Variants in PPP5C observed in about 807,000 individuals in gnomAD.
PPP5C encodes the protein serine/threonine-protein phosphatase 5.
A neutral mutation model predicts 66.7 loss-of-function variants in PPP5C; 21 were observed. The ratio of observed to expected loss-of-function variants is 0.31; its 90% CI spans 0.22 to 0.45. The LOEUF (loss-of-function observed/expected upper bound fraction) is 0.45. Among genes scored for constraint, PPP5C ranks in the 20% least tolerant of loss-of-function variants. The pLI, the probability that PPP5C is intolerant of heterozygous loss-of-function variation, is 1.00. For synonymous variants in PPP5C, 246 were observed against 257.4 expected, an observed-to-expected ratio of 0.96 and a Z score of 0.43; for missense variants, 464 against 675.9, an observed-to-expected ratio of 0.69 and a Z score of 3.48.
Position 46,388,916 on chromosome 19 carries a change from A to G in PPP5C, c.1355+185A>G, listed in dbSNP as rs1347752964. ...CAGTGGGGCCAGCCTGTGAGTGCTG[A>G]CCAGCTGCCCTGTGTTACAGCAAGC... On this transcript the variant is annotated intron_variant, in intron 11 of 12. Transcript: ENST00000012443. This position sits in a 1 kb window ranked among gnomAD's most constrained non-coding sequence, Gnocchi z 4.9. Among the ~76,000 whole-genome samples the G allele has an allele frequency of 1.3e-5, 2 of 152,162 alleles. No individual in the cohort carries two copies. The highest frequency in any genetic ancestry group is 1.3e-4 in the Admixed American group (2 of 15,272).
In PPP5C at chr19:46,388,478, G is replaced by A. The variant is rs370726628; in HGVS notation, c.1176+30G>A. The A allele has an allele frequency of 2.8e-4, 443 of 1,610,396 alleles. No homozygotes were observed. The highest frequency in any genetic ancestry group is 1.4e-3 in the African/African-American group (107 of 74,988). On this transcript the variant is annotated intron_variant, in intron 10 of 12. Transcript: ENST00000012443. The surrounding 1 kb of genome is among the most constrained non-coding windows in gnomAD (Gnocchi z 4.9). Reference sequence around the variant, plus strand: ...GTCTAGGGTGGGGTGCAGGGCCGGCGGGTGTGGGCTGTGGCAGCAGGTGGA... The same window carrying A: ...GTCTAGGGTGGGGTGCAGGGCCGGCAGGTGTGGGCTGTGGCAGCAGGTGGA...
intron 1 of PPP5C, among the ~76,000 whole-genome samples, chr19:46,351,867 C>T (rs899484936): frequency 1.2e-4 from 18 of 152,194 alleles, no homozygotes; most frequent in Admixed American, 1.0e-3. Flanking sequence ...GCAGCCCAGT[C>T]GGGGGCCTGA....
intron 2 of PPP5C, among the ~76,000 whole-genome samples, chr19:46,356,224 A>C (rs908257504): frequency 1.3e-5 from 2 of 152,196 alleles, no homozygotes; most frequent in Non-Finnish European, 2.9e-5. Context: ...CCATTTCCCC[A>C]TGGGGGCTCT....
At position 46,390,273 on chromosome 19, in the gene PPP5C, T is replaced by C; in HGVS notation, c.1438-11T>C. The stretch of plus-strand genomic sequence containing the variant: ...TGACTTCTGTCCATCCCACCTGCCC[T>C]GGTCCCACAGCCTCATCCCAACGTC... On this transcript the variant is annotated splice_polypyrimidine_tract_variant and intron_variant, in intron 12 of 12. Coordinates refer to ENST00000012443, the MANE Select transcript of PPP5C (RefSeq NM_006247.4). 2 of 1,593,170 alleles carry C rather than the reference T, an allele frequency of 1.3e-6. No homozygotes were observed. The highest frequency in any genetic ancestry group is 1.7e-6 in the Non-Finnish European group (2 of 1,169,756).
At chr19:46,389,030 C>G (rs887321033) in intron 11 of PPP5C, among the ~76,000 whole-genome samples, 2 of 151,828 alleles carry the variant, frequency 1.3e-5, no homozygotes, top group Admixed American at 1.3e-4. Context: ...CGTGTTTACA[C>G]TTTTGAGTGC....
chr19:46,386,925 TCAAGA>T, intron 7 of PPP5C, 163 bp from the exon 8 acceptor site: 7 of 928,910 alleles, frequency 7.5e-6, no homozygotes, highest in Admixed American at 5.0e-5. Context: ...CTACTTTTTG[TCAAGA>T]TTCCCCCCTT....
Position 46,372,730 on chromosome 19 carries a change from T to C in PPP5C, c.364-2874T>C, listed in dbSNP as rs144095603. Among the ~76,000 whole-genome samples, 368 of 152,326 alleles carry C rather than the reference T, an allele frequency of 2.4e-3. 9 individuals carry two copies. The highest frequency in any genetic ancestry group is 1.2e-3 in the East Asian group (6 of 5,190). ...GCAGTTGTAAGAAGTAATGCAGAAATCCCAGTTTTCCCTAAAGGTATATCT... is the reference window on the plus strand; with the variant it reads ...GCAGTTGTAAGAAGTAATGCAGAAACCCCAGTTTTCCCTAAAGGTATATCT... On this transcript the variant is annotated intron_variant, in intron 2 of 12. Coordinates refer to ENST00000012443, the MANE Select transcript of PPP5C (RefSeq NM_006247.4).
chr19:46,383,669 T>G lies in PPP5C; in HGVS notation c.700-111T>G, dbSNP rs1438036385. 9.4e-7 allele frequency: 1 copy of G among 1,059,724 alleles called. No homozygotes were observed. The highest frequency in any genetic ancestry group is 1.4e-6 in the Non-Finnish European group (1 of 708,766). The allele number at this position is 1,059,724 out of a possible 1,614,324, so 65.6% of individuals were successfully genotyped here. A position where few individuals can be genotyped will look rare whatever the true frequency, so the allele number is the denominator to read the frequency against. On this transcript the variant is annotated intron_variant, in intron 5 of 12. Coordinates refer to ENST00000012443, the MANE Select transcript of PPP5C (RefSeq NM_006247.4). This position sits in a 1 kb window ranked among gnomAD's most constrained non-coding sequence, Gnocchi z 5.0. ...CGTTTGTGTTCCCTGCTTGTGTCTC[T>G]TGCATGATTCTTCTTGGTCTACTGT... is the stretch of plus-strand genomic sequence containing the variant.
chr19:46,370,355 G>A (rs2147382553), intron 2 of PPP5C, among the ~76,000 whole-genome samples: 1 of 152,246 alleles, frequency 6.6e-6, no homozygotes, highest in South Asian at 2.1e-4. Context: ...CACAAACGCA[G>A]ACATTAGCCT....
rs1158423038 is a variant in PPP5C at position 46,363,307 on chromosome 19, CAAAAAAAAAAAAAAAAAAAAA to C, written c.363+9338_363+9358del. ...TGGGCGACAGAGCGAGACTCCATCT[CAAAAAAAAAAAAAAAAAAAAA>C]AAAAAAAAAAAAAAAAAAACAATTT... is the stretch of plus-strand genomic sequence containing the variant. On this transcript the variant is annotated intron_variant, in intron 2 of 12. Transcript: ENST00000012443. Among the ~76,000 whole-genome samples the C allele has an allele frequency of 5.0e-4, 14 of 27,948 alleles. 1 individual carries two copies. Among genetic ancestry groups the C allele is most frequent in the Admixed American group, 1.2e-3 (2 of 1,714 alleles). 18.3% of individuals were successfully genotyped at this position (27,948 alleles called of 152,430 possible). A position where few individuals can be genotyped will look rare whatever the true frequency, so the allele number is the denominator to read the frequency against.
chr19:46,380,232 A>G (rs932573330), intron 4 of PPP5C, among the ~76,000 whole-genome samples: 6 of 152,172 alleles, frequency 3.9e-5, no homozygotes, highest in African/African-American at 1.4e-4. Flanking sequence ...AGGCAGAAGA[A>G]TCACTTGAAC....
intron 2 of PPP5C, 114 bp from the exon 3 acceptor site, chr19:46,375,490 G>A (rs2147389065): frequency 1.4e-6 from 2 of 1,454,002 alleles, no homozygotes; most frequent in East Asian, 2.4e-5. Context: ...ATCAGCACCT[G>A]GCGCCCAGGC....
At chr19:46,387,295 G>A in intron 8 of PPP5C, 60 bp downstream of exon 8, 1 of 1,612,612 alleles carries the variant, frequency 6.2e-7, no homozygotes, top group South Asian at 1.1e-5. Flanking sequence ...GGGCAGATGT[G>A]CTGGTGAAGG....
At chr19:46,356,180 T>C (rs1294348737) in intron 2 of PPP5C, among the ~76,000 whole-genome samples, 1 of 151,732 alleles carries the variant, frequency 6.6e-6, no homozygotes, top group East Asian at 1.9e-4. Context: ...TTCAGAGTCT[T>C]TTACAGAATA....
intron 7 of PPP5C, 109 bp downstream of exon 7, chr19:46,385,018 A>G: frequency 1.1e-6 from 1 of 871,940 alleles, no homozygotes; most frequent in Non-Finnish European, 1.9e-6. Context: ...CTCGGAGATC[A>G]TGCACAGGGC....
intron 2 of PPP5C, among the ~76,000 whole-genome samples, 182 bp downstream of exon 2, chr19:46,354,171 A>G (rs551411262): frequency 1.3e-5 from 2 of 152,302 alleles, no homozygotes; most frequent in South Asian, 4.1e-4. Flanking sequence ...CAGCCATCTC[A>G]CATTTTGTGA....
At chr19:46,387,597 G>A (rs181033652) in intron 9 of PPP5C, 144 bp downstream of exon 9, 9 of 1,546,490 alleles carry the variant, frequency 5.8e-6, no homozygotes, top group East Asian at 4.9e-5. Flanking sequence ...CCTCACCTGC[G>A]ACTTGGGCCA....
At chr19:46,348,769 A>G (rs1231661661) in intron 1 of PPP5C, among the ~76,000 whole-genome samples, 1 of 152,110 alleles carries the variant, frequency 6.6e-6, no homozygotes, top group Non-Finnish European at 1.5e-5. Context: ...GAGGCTAAGG[A>G]GGAGCACTTA....
intron 1 of PPP5C, among the ~76,000 whole-genome samples, chr19:46,347,544 G>T (rs2147354457): frequency 1.3e-5 from 2 of 152,130 alleles, no homozygotes; most frequent in Middle Eastern, 3.4e-3. Flanking sequence ...GACATGTGGT[G>T]GGGGAGTGAT....
Sources: gnomAD v4.1 joint callset for allele counts (sites outside exome capture counted in the v4.1 genomes callset) on GRCh38, gnomAD v4.1.1 for gene constraint, Gnocchi (gnomAD v3.1) non-coding constraint, MANE v1.5 for transcripts, NCBI Gene and HGNC (gene_info 2026-07-23, HGNC 2026-07-21) for gene names.